SLIT3: variants seen among roughly 807,000 people sequenced by gnomAD.
The protein encoded by SLIT3 is slit guidance ligand 3.
Under a neutral mutation model 184.0 loss-of-function variants are expected in SLIT3, and 68 were observed. That is an observed-to-expected ratio of 0.37 (90% CI 0.30 to 0.45). The LOEUF (loss-of-function observed/expected upper bound fraction) is 0.45. Ranked by LOEUF, SLIT3 falls within the 20% of genes least tolerant of loss-of-function variation. The probability of loss-of-function intolerance (pLI) is 1.00; values close to 1 mark genes in which losing one functional copy is unlikely to be tolerated. For synonymous variants in SLIT3, 831 were observed against 828.6 expected, an observed-to-expected ratio of 1.00 and a Z score of -0.05; for missense variants, 1,707 against 2,026.0, an observed-to-expected ratio of 0.84 and a Z score of 3.02.
chr5:168,704,096 TA>T lies in SLIT3; in HGVS notation c.2845-3418del, dbSNP rs374173615. On this transcript the variant is annotated intron_variant, in intron 26 of 35. Coordinates refer to ENST00000519560, the MANE Select transcript of SLIT3 (RefSeq NM_003062.4). Reference sequence around the variant, plus strand: ...GCACTGGCATGTCCTGGGAGCTGATTAAAAAAAAAAAATGCACACTCTCAGG... The same window carrying T: ...GCACTGGCATGTCCTGGGAGCTGATTAAAAAAAAAAATGCACACTCTCAGG... 5.3e-3 allele frequency among the ~76,000 whole-genome samples: 763 copies of T among 144,780 alleles called. 21 individuals carry two copies. The East Asian group carries it at 0.097, about 18-fold the overall frequency. The allele number at this position is 144,780 out of a possible 152,430, so 95.0% of individuals were successfully genotyped here.
chr5:168,780,838 T>C (rs1724816335), intron 12 of SLIT3, among the ~76,000 whole-genome samples: 1 of 152,230 alleles, frequency 6.6e-6, no homozygotes. Flanking sequence ...TGGGGATTAA[T>C]TTAGACCTTC....
chr5:168,867,501 C>T (rs1231902852), intron 5 of SLIT3, among the ~76,000 whole-genome samples: 1 of 152,172 alleles, frequency 6.6e-6, no homozygotes, highest in African/African-American at 2.4e-5. Flanking sequence ...TGAAAATGAC[C>T]AGTGGTGTGT....
At chr5:168,966,571 T>C (rs1429400660) in intron 4 of SLIT3, among the ~76,000 whole-genome samples, 1 of 152,202 alleles carries the variant, frequency 6.6e-6, no homozygotes, top group Non-Finnish European at 1.5e-5. Flanking sequence ...TGAGTCTACA[T>C]ATTACACCTG....
At chr5:169,106,693 A>G (rs1256719330) in intron 4 of SLIT3, among the ~76,000 whole-genome samples, 1 of 152,170 alleles carries the variant, frequency 6.6e-6, no homozygotes, top group African/African-American at 2.4e-5. Context: ...TGTAGCATGC[A>G]AAGGCATCCC....
chr5:168,779,014 G>C (rs1404610627), intron 12 of SLIT3, among the ~76,000 whole-genome samples: 1 of 152,206 alleles, frequency 6.6e-6, no homozygotes, highest in Non-Finnish European at 1.5e-5. Context: ...GAGATGATCC[G>C]ACCAGGTGAA....
chr5:168,684,245 T>C, intron 31 of SLIT3, 149 bp from the exon 32 acceptor site: 1 of 834,670 alleles, frequency 1.2e-6, no homozygotes, highest in Middle Eastern at 2.9e-4. Flanking sequence ...ATCTAGTCAG[T>C]AAATCCCCAG....
chr5:168,897,645 CGT>C (rs1491260641), intron 4 of SLIT3, among the ~76,000 whole-genome samples: 19 of 38,022 alleles, frequency 5.0e-4, no homozygotes, highest in East Asian at 1.5e-3. Flanking sequence ...GACAGGTGCA[CGT>C]ACACACACAC....
intron 22 of SLIT3, 51 bp downstream of exon 22, chr5:168,722,882 T>C (rs766807359): frequency 2.9e-6 from 4 of 1,386,752 alleles, no homozygotes; most frequent in South Asian, 2.3e-5. Flanking sequence ...AGAGTAACCA[T>C]CTACTGCTAG....
chr5:168,884,481 C>A (rs1251599034), intron 4 of SLIT3, among the ~76,000 whole-genome samples: 1 of 114,416 alleles, frequency 8.7e-6, no homozygotes, highest in African/African-American at 3.2e-5. Flanking sequence ...AAAAGAACAC[C>A]CGAAAAACCC....
intron 4 of SLIT3, among the ~76,000 whole-genome samples, chr5:169,087,757 AGG>A (rs1343294821): frequency 6.6e-6 from 1 of 152,274 alleles, no homozygotes; most frequent in African/African-American, 2.4e-5. Context: ...AAAAATTAAA[AGG>A]AAATAGGCCA....
intron 4 of SLIT3, among the ~76,000 whole-genome samples, chr5:168,933,564 G>A (rs1581223516): frequency 6.6e-6 from 1 of 152,160 alleles, no homozygotes; most frequent in East Asian, 1.9e-4. Flanking sequence ...AAAAAAAACA[G>A]CCAGAGGAGG....
chr5:169,254,441 G>A (rs570820948), intron 1 of SLIT3, among the ~76,000 whole-genome samples: 1 of 152,256 alleles, frequency 6.6e-6, no homozygotes, highest in East Asian at 1.9e-4. Flanking sequence ...TGTGGATGTG[G>A]GAAGTGTGGT....
intron 20 of SLIT3, among the ~76,000 whole-genome samples, chr5:168,730,112 T>TAAA (rs34425836): frequency 6.7e-6 from 1 of 148,484 alleles, no homozygotes; most frequent in South Asian, 2.1e-4. Context: ...CATAAAACAG[T>TAAA]AAAAAAAAAA....
chr5:168,899,805 A>AAGTG (rs70979108), intron 4 of SLIT3, among the ~76,000 whole-genome samples: 134,659 of 151,748 alleles, frequency 0.89, 60,729 homozygotes, highest in Non-Finnish European at 0.96. Flanking sequence ...CATTGCCCCT[A>AAGTG]AGATGACAGG....
chr5:169,224,812 G>A (rs879286568), intron 3 of SLIT3, among the ~76,000 whole-genome samples: 9 of 152,004 alleles, frequency 5.9e-5, no homozygotes, highest in East Asian at 5.8e-4. Flanking sequence ...TCATCCTCCC[G>A]ATAAGCTGGG....
In SLIT3 at chr5:169,238,689, A is replaced by G. The variant is rs1765287412; in HGVS notation, c.341+6016T>C. On this transcript the variant is annotated intron_variant, in intron 3 of 35. Transcript: ENST00000519560. ...ATACTTCTCAAGGAGTTCTCTTTTT[A>G]TTTCTACTATTGTTCCTTTTCTGAT... Among the ~76,000 whole-genome samples the G allele has an allele frequency of 2.7e-5, 4 of 150,942 alleles. No homozygotes were observed. In the South Asian group the frequency reaches 8.4e-4, roughly 32 times the overall value.
intron 4 of SLIT3, among the ~76,000 whole-genome samples, chr5:168,886,050 C>G (rs552686215): frequency 6.6e-6 from 1 of 152,308 alleles, no homozygotes; most frequent in South Asian, 2.1e-4. Flanking sequence ...CCAGTTGAAA[C>G]ACAGCTTTCT....
At chr5:168,999,397 C>T (rs1399302446) in intron 4 of SLIT3, among the ~76,000 whole-genome samples, 1 of 151,312 alleles carries the variant, frequency 6.6e-6, no homozygotes, top group Non-Finnish European at 1.5e-5. Context: ...TAATAATTAC[C>T]CCCATCCCAT....
At chr5:168,859,063 A>G (rs1339427227) in intron 5 of SLIT3, among the ~76,000 whole-genome samples, 2 of 152,222 alleles carry the variant, frequency 1.3e-5, no homozygotes, top group Non-Finnish European at 2.9e-5. Context: ...CTGATCAGAA[A>G]GGTTGGATAA....
Sources: allele counts gnomAD v4.1 joint callset (sites outside exome capture counted in the v4.1 genomes callset), GRCh38; gene constraint gnomAD v4.1.1; transcripts MANE v1.5; gene names NCBI Gene and HGNC (gene_info 2026-07-23, HGNC 2026-07-21).